The following B3GALT1 variants were observed in gnomAD, a reference collection of about 807,000 sequenced individuals.
B3GALT1 encodes the protein beta-1,3-galactosyltransferase 1.
A neutral mutation model predicts 23.2 loss-of-function variants in B3GALT1; 10 were observed. The observed-to-expected ratio is 0.43, with a 90% CI of 0.27 to 0.73. The LOEUF (loss-of-function observed/expected upper bound fraction) is 0.73. Among genes scored for constraint, B3GALT1 ranks in the 30% least tolerant of loss-of-function variants. The pLI, the probability that B3GALT1 is intolerant of heterozygous loss-of-function variation, is 0.21. For missense variants in B3GALT1, 299 were observed against 405.4 expected, an observed-to-expected ratio of 0.74 and a Z score of 2.25; for synonymous variants, 156 against 141.5, an observed-to-expected ratio of 1.10 and a Z score of -0.73.
At chr2:167,365,723 G>T (rs999504802) in intron 1 of B3GALT1, among the ~76,000 whole-genome samples, 7 of 151,100 alleles carry the variant, frequency 4.6e-5, no homozygotes, top group African/African-American at 1.7e-4. Flanking sequence ...CTTCTGGGTG[G>T]GGATATAAAA....
chr2:167,632,084 G>A (rs1000553137), intron 2 of B3GALT1, among the ~76,000 whole-genome samples: 1 of 151,892 alleles, frequency 6.6e-6, no homozygotes, highest in Non-Finnish European at 1.5e-5. Context: ...TGAGAATGAT[G>A]GTTTCCAGCT....
chr2:167,514,098 G>A lies in B3GALT1; in HGVS notation c.-410+23821G>A, dbSNP rs1183965642. Among the ~76,000 whole-genome samples the A allele has an allele frequency of 2.0e-5, 3 of 151,970 alleles. No homozygotes were observed. In the East Asian group the frequency reaches 5.8e-4, roughly 29 times the overall value. ...ATTTTTTTGTATCTTTAGTAGAAAC[G>A]GGGTTTCACCATATTAGCTAGGATG... is the stretch of plus-strand genomic sequence containing the variant. On this transcript the variant is annotated intron_variant, in intron 2 of 4. Coordinates refer to ENST00000392690, the MANE Select transcript of B3GALT1 (RefSeq NM_020981.4).
chr2:167,616,832 T>TA (rs1558925786), intron 2 of B3GALT1, among the ~76,000 whole-genome samples: 1 of 152,140 alleles, frequency 6.6e-6, no homozygotes, highest in Non-Finnish European at 1.5e-5. Context: ...GTAATTCTTA[T>TA]AAAATCAGAA....
chr2:167,860,185 T>TC (rs1447952109), intron 4 of B3GALT1, among the ~76,000 whole-genome samples: 1 of 152,204 alleles, frequency 6.6e-6, no homozygotes, highest in Non-Finnish European at 1.5e-5. Flanking sequence ...TTTCTGTTTT[T>TC]CCCCACAGAA....
intron 1 of B3GALT1, among the ~76,000 whole-genome samples, chr2:167,365,050 C>T (rs1395182152): frequency 6.6e-6 from 1 of 152,066 alleles, no homozygotes; most frequent in Admixed American, 6.5e-5. Context: ...TGTAAGAATC[C>T]ACTTTTCCGA....
Position 167,622,262 on chromosome 2 carries a change from G to T in B3GALT1, c.-409-24647G>T, listed in dbSNP as rs182712699. On this transcript the variant is annotated intron_variant, in intron 2 of 4. Coordinates refer to ENST00000392690, the MANE Select transcript of B3GALT1 (RefSeq NM_020981.4). ...GGAAAAGTCATGTGATCCAACTCTG[G>T]CCAAAGAACCCTGAGTCTGTTGTGA... 1.7e-3 allele frequency among the ~76,000 whole-genome samples: 261 copies of T among 152,054 alleles called. 2 individuals carry two copies. The highest frequency in any genetic ancestry group is 2.5e-3 in the Non-Finnish European group (167 of 67,972).
chr2:167,350,086 TAAC>T (rs1007343392), intron 1 of B3GALT1, among the ~76,000 whole-genome samples: 1 of 152,196 alleles, frequency 6.6e-6, no homozygotes, highest in African/African-American at 2.4e-5. Flanking sequence ...TTCATGGAGA[TAAC>T]AAAGGATTTT....
intron 4 of B3GALT1, among the ~76,000 whole-genome samples, chr2:167,824,819 C>T (rs990907380): frequency 2.6e-5 from 4 of 152,182 alleles, no homozygotes; most frequent in Admixed American, 6.5e-5. Flanking sequence ...GAAAGAAGAT[C>T]AGGGTTGCAG....
chr2:167,761,395 C>T (rs1471138990), intron 3 of B3GALT1, among the ~76,000 whole-genome samples: 5 of 152,270 alleles, frequency 3.3e-5, no homozygotes, highest in South Asian at 2.1e-4. Flanking sequence ...AGGTTGGGCA[C>T]GTGTTCCTAG....
intron 3 of B3GALT1, among the ~76,000 whole-genome samples, chr2:167,662,691 A>T (rs1686081841): frequency 6.6e-6 from 1 of 151,876 alleles, no homozygotes; most frequent in African/African-American, 2.4e-5. Flanking sequence ...CCCATATGAC[A>T]TAGAGGAAAA....
intron 3 of B3GALT1, among the ~76,000 whole-genome samples, chr2:167,659,552 G>A (rs1440424940): frequency 2.0e-5 from 3 of 152,210 alleles, no homozygotes; most frequent in African/African-American, 4.8e-5. Flanking sequence ...AGGCAAAAAT[G>A]TAATACCAAA....
At chr2:167,380,142 G>T (rs1337111613) in intron 1 of B3GALT1, among the ~76,000 whole-genome samples, 1 of 151,960 alleles carries the variant, frequency 6.6e-6, no homozygotes, top group Non-Finnish European at 1.5e-5. Context: ...CTTGTAGATC[G>T]GTTTGGACAT....
intron 2 of B3GALT1, among the ~76,000 whole-genome samples, chr2:167,522,778 A>G (rs188593026): frequency 6.6e-6 from 1 of 152,182 alleles, no homozygotes; most frequent in Non-Finnish European, 1.5e-5. Flanking sequence ...TTTTCCTTAA[A>G]TTGATATTAA....
chr2:167,867,197 A>AT (rs747882600), intron 4 of B3GALT1, among the ~76,000 whole-genome samples: 2 of 152,172 alleles, frequency 1.3e-5, no homozygotes, highest in African/African-American at 2.4e-5. Context: ...AAGTGCTGGG[A>AT]TTACAGGCGT....
At position 167,335,053 on chromosome 2, in the gene B3GALT1, T is replaced by C. The variant is rs895105437; in HGVS notation, c.-511+41719T>C. 2.0e-5 allele frequency among the ~76,000 whole-genome samples: 3 copies of C among 152,306 alleles called. No homozygotes were observed. The South Asian group carries it at 6.2e-4, about 32-fold the overall frequency. ...GCTTTTTATTTCCTGTTTTATATTTTAACTTTAGGTGTAATTTGTAGCTTG... is the reference window on the plus strand; with the variant it reads ...GCTTTTTATTTCCTGTTTTATATTTCAACTTTAGGTGTAATTTGTAGCTTG... On this transcript the variant is annotated intron_variant, in intron 1 of 4. Coordinates refer to ENST00000392690, the MANE Select transcript of B3GALT1 (RefSeq NM_020981.4).
intron 1 of B3GALT1, among the ~76,000 whole-genome samples, chr2:167,465,670 C>T (rs573203939): frequency 4.6e-5 from 7 of 152,124 alleles, no homozygotes; most frequent in South Asian, 4.2e-4. Context: ...AATTTTGAGG[C>T]GATACATTTA....
chr2:167,777,874 G>C lies in B3GALT1; in HGVS notation c.-351-40798G>C, dbSNP rs147223994. On this transcript the variant is annotated intron_variant, in intron 3 of 4. Transcript: ENST00000392690. ...CAACAAATAATTTTTTGCCCTCAGGGGACATATGGCAATGTCTGGAGACAG... is the reference window on the plus strand; with the variant it reads ...CAACAAATAATTTTTTGCCCTCAGGCGACATATGGCAATGTCTGGAGACAG... 6.1e-3 allele frequency among the ~76,000 whole-genome samples: 927 copies of C among 151,884 alleles called. 9 individuals are homozygous for C. The highest frequency in any genetic ancestry group is 0.021 in the African/African-American group (879 of 41,414).
chr2:167,815,511 C>G (rs1321542296), intron 3 of B3GALT1, among the ~76,000 whole-genome samples: 3 of 152,156 alleles, frequency 2.0e-5, no homozygotes, highest in Non-Finnish European at 4.4e-5. Context: ...TAGAGATCCA[C>G]AGTACAAAGT....
chr2:167,638,987 G>T (rs953968171), intron 2 of B3GALT1, among the ~76,000 whole-genome samples: 2 of 151,818 alleles, frequency 1.3e-5, no homozygotes, highest in African/African-American at 4.8e-5. Flanking sequence ...AATTCCATTG[G>T]CCTGCCTATG....
Sources: allele counts gnomAD v4.1 joint callset (sites outside exome capture counted in the v4.1 genomes callset), GRCh38; gene constraint gnomAD v4.1.1; transcripts MANE v1.5; gene names NCBI Gene and HGNC (gene_info 2026-07-23, HGNC 2026-07-21).